Variants in PARP9 observed in about 807,000 individuals in gnomAD.
PARP9 encodes the protein protein mono-ADP-ribosyltransferase PARP9.
PARP9 carries 48 observed loss-of-function variants against 68.8 expected under a neutral mutation model. The ratio of observed to expected loss-of-function variants is 0.70; its 90% CI spans 0.55 to 0.89. The LOEUF is 0.89. PARP9 is among the 40% of genes least tolerant of loss of function. The pLI, the probability that PARP9 is intolerant of heterozygous loss-of-function variation, is 0.00. For synonymous variants in PARP9, 309 were observed against 333.8 expected, an observed-to-expected ratio of 0.93 and a Z score of 0.81; for missense variants, 806 against 969.3, an observed-to-expected ratio of 0.83 and a Z score of 2.24.
chr3:122,546,629 A>T (rs1175431200), intron 6 of PARP9, among the ~76,000 whole-genome samples: 1 of 152,172 alleles, frequency 6.6e-6, no homozygotes, highest in Non-Finnish European at 1.5e-5. Flanking sequence ...TGTGGATATA[A>T]TGTAGTGTTA....
At chr3:122,561,864 A>G (rs1038919474) in intron 1 of PARP9, among the ~76,000 whole-genome samples, 2 of 152,144 alleles carry the variant, frequency 1.3e-5, no homozygotes, top group African/African-American at 4.8e-5. Context: ...GAGGTCTCAC[A>G]GTCCCCTCAA....
At chr3:122,564,314 A>AG (rs1029041274), upstream of PARP9, 1 of 1,261,396 alleles carries the variant, frequency 7.9e-7, no homozygotes, top group African/African-American at 1.5e-5. Context: ...GGGAACAGGG[A>AG]GGGACCTCCA....
chr3:122,544,792 C>T (rs940290189), intron 7 of PARP9, among the ~76,000 whole-genome samples: 10 of 152,124 alleles, frequency 6.6e-5, no homozygotes, highest in Admixed American at 5.2e-4. Flanking sequence ...GCTGAGATCA[C>T]GCCACTGCAC....
chr3:122,528,587 G>A lies in PARP9; in HGVS notation c.2237C>T (p.Pro746Leu). The change falls in exon 11 of 11, where the codon CCC becomes CTC. Residue 746 changes from proline (P) to leucine (L), a missense_variant. Physicochemically the swap from Pro to Leu is moderately conservative, Grantham distance 98 (BLOSUM62 -3). This residue lies in a region of PARP9 where 680 missense variants were observed against 858.8 expected (regional missense o/e 0.79). Coordinates refer to ENST00000682323, the MANE Select transcript of PARP9 (RefSeq NM_001146105.2). ...FCQGHPLNIV[P>L]PPLSPGAIDG... ...TATAGCTCCAGGACTCAGTGGTGGGGGAACAATATTTAACGGATGTCCCTG... is the reference window on the plus strand; with the variant it reads ...TATAGCTCCAGGACTCAGTGGTGGGAGAACAATATTTAACGGATGTCCCTG... 6.2e-7 allele frequency: 1 copy of A among 1,614,138 alleles called. No individual in the cohort carries two copies. Among genetic ancestry groups the A allele is most frequent in the Non-Finnish European group, 8.5e-7 (1 of 1,180,038 alleles).
chr3:122,544,533 C>T (rs1038483078), intron 7 of PARP9, among the ~76,000 whole-genome samples: 10 of 152,198 alleles, frequency 6.6e-5, no homozygotes, highest in Admixed American at 5.9e-4. Flanking sequence ...ACCCAAACTC[C>T]ACTAAAAGAA....
chr3:122,538,197 G>T (rs536191053), intron 8 of PARP9, among the ~76,000 whole-genome samples: 3,339 of 152,194 alleles, frequency 0.022, 124 homozygotes, highest in African/African-American at 0.074. Flanking sequence ...GGGAGCAATA[G>T]CTCATATTTA....
intron 5 of PARP9, among the ~76,000 whole-genome samples, chr3:122,551,625 A>C (rs1309800201): frequency 6.6e-6 from 1 of 152,066 alleles, no homozygotes; most frequent in African/African-American, 2.4e-5. Flanking sequence ...TATGTGCCTC[A>C]GTGGAGAGTG....
chr3:122,563,394 G>A (rs766002219), intron 1 of PARP9, among the ~76,000 whole-genome samples: 2 of 152,170 alleles, frequency 1.3e-5, no homozygotes, highest in Non-Finnish European at 2.9e-5. Context: ...ATTACATGCT[G>A]AAATGATTAA....
chr3:122,559,506 T>C, intron 2 of PARP9, 100 bp downstream of exon 2: 2 of 1,183,000 alleles, frequency 1.7e-6, no homozygotes, highest in East Asian at 5.4e-5. Context: ...CAGATGAGGA[T>C]GTCAACTGTT....
intron 8 of PARP9, among the ~76,000 whole-genome samples, chr3:122,539,517 T>TTCTTTCTTTC (rs2077961067): frequency 3.5e-5 from 1 of 28,212 alleles, no homozygotes; most frequent in African/African-American, 1.2e-4. Flanking sequence ...ATTTCTTTCT[T>TTCTTTCTTTC]TCTTTCTTTC....
intron 8 of PARP9, among the ~76,000 whole-genome samples, chr3:122,540,192 A>T (rs1231652350): frequency 6.6e-6 from 1 of 152,202 alleles, no homozygotes; most frequent in Non-Finnish European, 1.5e-5. Flanking sequence ...CTTGGGCTTG[A>T]GTTTTACCAC....
chr3:122,558,289 G>T, intron 3 of PARP9, 145 bp downstream of exon 3: 1 of 1,597,644 alleles, frequency 6.3e-7, no homozygotes, highest in Non-Finnish European at 8.6e-7. Flanking sequence ...CAACTCTGAA[G>T]CATGTGCGGG....
rs144864167 is a variant in PARP9, at chr3:122,531,102, G to A, written c.2081-2359C>T. Among the ~76,000 whole-genome samples, 831 of 152,168 alleles carry A rather than the reference G, an allele frequency of 5.5e-3. 8 individuals are homozygous for A. Among genetic ancestry groups the A allele is most frequent in the African/African-American group, 0.019 (780 of 41,504 alleles). ...CTTTTGTAGTAGGTCTTTGAAATCC[G>A]GTGTGTATTTTATACTTACAGCATC... is the stretch of plus-strand genomic sequence containing the variant. On this transcript the variant is annotated intron_variant, in intron 10 of 10. Coordinates refer to ENST00000682323, the MANE Select transcript of PARP9 (RefSeq NM_001146105.2).
At chr3:122,535,333 C>CA (rs1438520319) in intron 10 of PARP9, 2 of 985,106 alleles carry the variant, frequency 2.0e-6, no homozygotes, top group Non-Finnish European at 2.4e-6. Context: ...CTCTCCAGAA[C>CA]AAAGAAAAGA....
intron 1 of PARP9, 83 bp downstream of exon 1, chr3:122,564,162 C>A: frequency 2.1e-6 from 1 of 479,296 alleles, no homozygotes; most frequent in African/African-American, 2.0e-5. Context: ...GACCCGGGTC[C>A]GCGCCCGTCC....
intron 7 of PARP9, among the ~76,000 whole-genome samples, chr3:122,543,670 G>A (rs568589767): frequency 6.6e-6 from 1 of 152,244 alleles, no homozygotes; most frequent in South Asian, 2.1e-4. Flanking sequence ...GAGTGCAGTG[G>A]CACAATCATG....
chr3:122,556,183 G>C, intron 3 of PARP9, 62 bp from the exon 4 acceptor site: 1 of 1,046,788 alleles, frequency 9.6e-7, no homozygotes, highest in South Asian at 1.8e-5. Context: ...AGCACAGTTT[G>C]AAAGGTTGTA....
chr3:122,539,516 T>TTTCTTTCTTTCTTTCC, intron 8 of PARP9, among the ~76,000 whole-genome samples: 1 of 23,678 alleles, frequency 4.2e-5, no homozygotes, highest in Non-Finnish European at 9.2e-5. Context: ...CATTTCTTTC[T>TTTCTTTCTTTCTTTCC]TTCTTTCTTT....
At chr3:122,563,237 T>C (rs1336743957) in intron 1 of PARP9, among the ~76,000 whole-genome samples, 3 of 152,160 alleles carry the variant, frequency 2.0e-5, no homozygotes. Flanking sequence ...CTTTTCACCA[T>C]CTAAATATGT....
Sources: gnomAD v4.1 joint callset for allele counts (sites outside exome capture counted in the v4.1 genomes callset) on GRCh38, gnomAD v4.1.1 for gene constraint, gnomAD v4.1.1 regional missense constraint, MANE v1.5 for transcripts, NCBI Gene and HGNC (gene_info 2026-07-23, HGNC 2026-07-21) for gene names.